PIEZO2: variants seen among roughly 807,000 people sequenced by gnomAD.
PIEZO2 encodes the protein piezo-type mechanosensitive ion channel component 2.
Under a neutral mutation model 337.3 loss-of-function variants are expected in PIEZO2, and 172 were observed. The ratio of observed to expected loss-of-function variants is 0.51; its 90% CI spans 0.45 to 0.58. The LOEUF is 0.58. Ranked by LOEUF, PIEZO2 falls within the 20% of genes least tolerant of loss-of-function variation. The pLI is 0.00. For synonymous variants in PIEZO2, 1,251 were observed against 1,228.5 expected, an observed-to-expected ratio of 1.02 and a Z score of -0.38; for missense variants, 3,028 against 3,391.3, an observed-to-expected ratio of 0.89 and a Z score of 2.66.
At chr18:11,004,947 C>A (rs2035667637) in intron 2 of PIEZO2, among the ~76,000 whole-genome samples, 1 of 152,162 alleles carries the variant, frequency 6.6e-6, no homozygotes, top group Non-Finnish European at 1.5e-5. Context: ...TGGGGCTTTG[C>A]ACATAAGATG....
chr18:11,025,801 T>C (rs1184704949), intron 2 of PIEZO2, among the ~76,000 whole-genome samples: 3 of 152,148 alleles, frequency 2.0e-5, no homozygotes, highest in East Asian at 3.9e-4. Flanking sequence ...TCTCTCCTGG[T>C]TGAGTGGCTG....
intron 47 of PIEZO2, among the ~76,000 whole-genome samples, chr18:10,694,408 A>G (rs1361316264): frequency 6.6e-6 from 1 of 152,196 alleles, no homozygotes; most frequent in African/African-American, 2.4e-5. Context: ...TTCTTCCCAA[A>G]TGATATTAGC....
chr18:11,041,962 A>T (rs901039901), intron 2 of PIEZO2, among the ~76,000 whole-genome samples: 1 of 152,158 alleles, frequency 6.6e-6, no homozygotes, highest in Admixed American at 6.5e-5. Flanking sequence ...CTCTGTCTAG[A>T]TGACCATCTT....
chr18:10,963,892 C>T (rs928834780), intron 3 of PIEZO2, among the ~76,000 whole-genome samples: 7 of 151,982 alleles, frequency 4.6e-5, no homozygotes, highest in African/African-American at 1.7e-4. Flanking sequence ...CAAATAGAAC[C>T]TCAAGTTTCA....
At position 10,945,754 on chromosome 18, in the gene PIEZO2, G is replaced by T. The variant is rs1187562827; in HGVS notation, c.286+33781C>A. Among the ~76,000 whole-genome samples, 1 of 152,040 alleles carries T rather than the reference G, an allele frequency of 6.6e-6. No homozygotes were observed. Among genetic ancestry groups the T allele is most frequent in the African/African-American group, 2.4e-5 (1 of 41,396 alleles). ...CAAAGGTGTTCAAATTGGAAGGCAA[G>T]AAAATAAAAAGTTATTATAATTGCA... On this transcript the variant is annotated intron_variant, in intron 3 of 55. Coordinates refer to ENST00000674853, the MANE Select transcript of PIEZO2 (RefSeq NM_001378183.1). This position sits in a 1 kb window ranked among gnomAD's most constrained non-coding sequence, Gnocchi z 4.0.
At chr18:11,039,898 A>T (rs761829728) in intron 2 of PIEZO2, among the ~76,000 whole-genome samples, 2 of 152,136 alleles carry the variant, frequency 1.3e-5, no homozygotes, top group African/African-American at 4.8e-5. Context: ...ACGAAAAGGA[A>T]ATACAACTGC....
At chr18:10,701,787 T>C in intron 43 of PIEZO2, 1 of 444,118 alleles carries the variant, frequency 2.3e-6, no homozygotes, top group Non-Finnish European at 3.8e-6. Context: ...CCACAAGTGT[T>C]GGAAAAAATG....
intron 4 of PIEZO2, among the ~76,000 whole-genome samples, chr18:10,901,297 G>A (rs1299326225): frequency 6.6e-6 from 1 of 152,130 alleles, no homozygotes; most frequent in East Asian, 1.9e-4. Flanking sequence ...GACCCTCAGG[G>A]TTTTCTTTGA....
At position 11,128,847 on chromosome 18, in the gene PIEZO2, G is replaced by T. The variant is rs2040259365; in HGVS notation, c.64+19678C>A. 6.6e-6 allele frequency among the ~76,000 whole-genome samples: 1 copy of T among 152,112 alleles called. No individual in the cohort carries two copies. The highest frequency in any genetic ancestry group is 1.5e-5 in the Non-Finnish European group (1 of 68,028). On this transcript the variant is annotated intron_variant, in intron 1 of 55. Coordinates refer to ENST00000674853, the MANE Select transcript of PIEZO2 (RefSeq NM_001378183.1). This position sits in a 1 kb window ranked among gnomAD's most constrained non-coding sequence, Gnocchi z 4.1. ...CTCTAATTTATATAAACAACAATCT[G>T]GAGAACAGGCCTGGGAATGGATATT...
At chr18:10,801,564 G>T in intron 9 of PIEZO2, 136 bp from the exon 10 acceptor site, 1 of 745,040 alleles carries the variant, frequency 1.3e-6, no homozygotes, top group Non-Finnish European at 2.2e-6. Context: ...ATATTGCCAT[G>T]CAAAATATAA....
intron 3 of PIEZO2, among the ~76,000 whole-genome samples, chr18:10,950,201 C>CT (rs1177992269): frequency 2.0e-5 from 3 of 152,102 alleles, no homozygotes; most frequent in South Asian, 4.1e-4. Context: ...GATAAGCCCA[C>CT]TTTTTTCATT....
chr18:10,861,297 G>A lies in PIEZO2; in HGVS notation c.493-4086C>T, dbSNP rs917345195. Among the ~76,000 whole-genome samples the A allele has an allele frequency of 1.5e-4, 23 of 152,054 alleles. No homozygotes were observed. The highest frequency in any genetic ancestry group is 5.3e-4 in the African/African-American group (22 of 41,408). ...TTCCTGAGTCATCTTAGAAACTGAAGACAAAATAAACTCTTTACAGTTTAA... is the reference window on the plus strand; with the variant it reads ...TTCCTGAGTCATCTTAGAAACTGAAAACAAAATAAACTCTTTACAGTTTAA... On this transcript the variant is annotated intron_variant, in intron 5 of 55. Transcript: ENST00000674853. The surrounding 1 kb of genome is among the most constrained non-coding windows in gnomAD (Gnocchi z 4.3).
In PIEZO2 at chr18:10,993,718, G is replaced by A. The variant is rs1218521339; in HGVS notation, c.161-14058C>T. ...ATTTTTCTGTATTTTTAGTAGAGAC[G>A]GTGTTTCACCATGTTAGCCAGGATG... On this transcript the variant is annotated intron_variant, in intron 2 of 55. Coordinates refer to ENST00000674853, the MANE Select transcript of PIEZO2 (RefSeq NM_001378183.1). This position sits in a 1 kb window ranked among gnomAD's most constrained non-coding sequence, Gnocchi z 5.0. Among the ~76,000 whole-genome samples the A allele has an allele frequency of 6.6e-6, 1 of 152,058 alleles. No homozygotes were observed.
In PIEZO2 at chr18:11,096,955, C is replaced by T. The variant is rs180935485; in HGVS notation, c.65-30733G>A. The stretch of plus-strand genomic sequence containing the variant: ...GAGAAGGAAGCTGGCACAAGATTTT[C>T]ACTTGCTTTGTCTAGGAAAGATTTA... On this transcript the variant is annotated intron_variant, in intron 1 of 55. Transcript: ENST00000674853. This position sits in a 1 kb window ranked among gnomAD's most constrained non-coding sequence, Gnocchi z 4.6. 9.2e-5 allele frequency among the ~76,000 whole-genome samples: 14 copies of T among 152,360 alleles called. No homozygotes were observed. Among genetic ancestry groups the T allele is most frequent in the African/African-American group, 3.4e-4 (14 of 41,582 alleles).
chr18:11,087,707 C>T (rs886688174), intron 1 of PIEZO2, among the ~76,000 whole-genome samples: 2 of 152,220 alleles, frequency 1.3e-5, no homozygotes, highest in Non-Finnish European at 2.9e-5. Flanking sequence ...CAACTAAAAT[C>T]GTCATTTCAG....
At chr18:11,057,305 CT>C (rs2037767005) in intron 2 of PIEZO2, among the ~76,000 whole-genome samples, 1 of 152,162 alleles carries the variant, frequency 6.6e-6, no homozygotes, top group Non-Finnish European at 1.5e-5. Context: ...TTAATGTTCT[CT>C]TTTTAAAAAG....
chr18:11,084,101 T>G (rs1165340692), intron 1 of PIEZO2, among the ~76,000 whole-genome samples: 2 of 133,726 alleles, frequency 1.5e-5, no homozygotes, highest in Non-Finnish European at 3.1e-5. Context: ...CACTTGAACC[T>G]GGGGGGTGGA....
Position 10,672,905 on chromosome 18 carries a change from C to A in PIEZO2, c.8162-32G>T. ...GGGTAGAAATGCAAAATTAAGTTGA[C>A]ATGAGAATTTTAGGATTTCATGCAC... On this transcript the variant is annotated intron_variant, in intron 54 of 55. Transcript: ENST00000674853. The surrounding 1 kb of genome is among the most constrained non-coding windows in gnomAD (Gnocchi z 4.7). The A allele has an allele frequency of 6.5e-7, 1 of 1,549,850 alleles. No individual in the cohort carries two copies. The highest frequency in any genetic ancestry group is 8.8e-7 in the Non-Finnish European group (1 of 1,137,152).
intron 27 of PIEZO2, among the ~76,000 whole-genome samples, chr18:10,754,285 C>T (rs961640677): frequency 6.6e-6 from 1 of 152,232 alleles, no homozygotes; most frequent in African/African-American, 2.4e-5. Flanking sequence ...GCTAAGGGGC[C>T]ACCTAACTAT....
Sources: allele counts gnomAD v4.1 joint callset (sites outside exome capture counted in the v4.1 genomes callset), GRCh38; gene constraint gnomAD v4.1.1; non-coding constraint Gnocchi (gnomAD v3.1); transcripts MANE v1.5; gene names NCBI Gene and HGNC (gene_info 2026-07-23, HGNC 2026-07-21).